RFPL4A: variants seen among roughly 807,000 people sequenced by gnomAD.
The protein encoded by RFPL4A is ret finger protein-like 4A.
A neutral mutation model predicts 8.3 loss-of-function variants in RFPL4A; 4 were observed. The ratio of observed to expected loss-of-function variants is 0.48; its 90% confidence interval spans 0.24 to 1.10. The LOEUF (loss-of-function observed/expected upper bound fraction) is 1.10, where lower values mean the gene tolerates loss of function less well. Ranked by LOEUF, RFPL4A falls within the 50% of genes least tolerant of loss-of-function variation. The probability of loss-of-function intolerance (pLI) is 0.18; values close to 1 mark genes in which losing one functional copy is unlikely to be tolerated. For missense variants in RFPL4A, 111 were observed against 358.7 expected (o/e 0.31, Z 5.58); for synonymous variants, 43 against 136.6 (o/e 0.31, Z 4.78).
At chr19:55,757,617 G>A (rs1302141815), upstream of RFPL4A, among the ~76,000 whole-genome samples, 25 of 152,104 alleles carry the variant, frequency 1.6e-4, no homozygotes, top group African/African-American at 5.8e-4. Flanking sequence ...AGAAGCCAGC[G>A]GAGCTGCTTT....
Position 55,762,642 on chromosome 19 carries a change from A to G in RFPL4A, c.331A>G (p.Ile111Val). The change falls in exon 3 of 3, where the codon ATT becomes GTT. Residue 111 changes from isoleucine (I) to valine (V), a missense_variant. Transcript: ENST00000434937. ...GGACACAGCCAACAACTATCTCATC[A>G]TTTCTGAAGACCTGAGGAGTTTCCG... is the stretch of plus-strand genomic sequence containing the variant. ...DVDTANNYLI[I>V]SEDLRSFRSG... 1 of 1,551,660 alleles carries G rather than the reference A, an allele frequency of 6.4e-7. No homozygotes were observed. The highest frequency in any genetic ancestry group is 1.2e-5 in the South Asian group (1 of 84,042).
chr19:55,763,357 G>C lies in RFPL4A; in HGVS notation c.*182G>C, dbSNP rs1281507082. 6.7e-6 allele frequency among the ~76,000 whole-genome samples: 1 copy of C among 149,752 alleles called. No individual in the cohort carries two copies. Among genetic ancestry groups the C allele is most frequent in the African/African-American group, 2.5e-5 (1 of 39,256 alleles). On this transcript the variant is annotated 3_prime_UTR_variant, in exon 3 of 3. Coordinates refer to ENST00000434937, the MANE Select transcript of RFPL4A (RefSeq NM_001145014.2). ...GAAAATTACATTGTACTTAAAGTTT[G>C]TCATGTTGTTTTCTTTGGGGCTTAT...
chr19:55,762,347 CCACTAA>C (rs1989303114), intron 2 of RFPL4A, among the ~76,000 whole-genome samples: 1 of 150,728 alleles, frequency 6.6e-6, no homozygotes, highest in Non-Finnish European at 1.5e-5. Context: ...ATCAAATTAT[CCACTAA>C]CTTATTTCGA....
upstream of RFPL4A, among the ~76,000 whole-genome samples, chr19:55,758,229 C>G (rs1412026663): frequency 6.6e-6 from 1 of 152,284 alleles, no homozygotes; most frequent in African/African-American, 2.4e-5. Context: ...CTTCATGAGA[C>G]AAAAGGAATT....
chr19:55,760,029 A>G (rs1239197843), intron 1 of RFPL4A, among the ~76,000 whole-genome samples: 4 of 151,664 alleles, frequency 2.6e-5, no homozygotes, highest in African/African-American at 4.9e-5. Flanking sequence ...TCTCTTTGAC[A>G]TGCTGACTTC....
In RFPL4A at chr19:55,762,106, T is replaced by A; in HGVS notation, c.286+20T>A. ...TTCAAGGTAAGGAATCTATAGGACC[T>A]GCCACAACCCATAAAAGGCACTGGG... is the stretch of plus-strand genomic sequence containing the variant. On this transcript the variant is annotated intron_variant, in intron 2 of 2. Coordinates refer to ENST00000434937, the MANE Select transcript of RFPL4A (RefSeq NM_001145014.2). The A allele has an allele frequency of 2.6e-6, 4 of 1,526,546 alleles. No individual in the cohort carries two copies. The highest frequency in any genetic ancestry group is 2.7e-6 in the Non-Finnish European group (3 of 1,127,016). 94.6% of individuals were successfully genotyped at this position (1,526,546 alleles called of 1,614,324 possible). A position where few individuals can be genotyped will look rare whatever the true frequency, so the allele number is the denominator to read the frequency against.
chr19:55,760,235 G>A (rs906334460), intron 1 of RFPL4A, among the ~76,000 whole-genome samples: 9 of 151,560 alleles, frequency 5.9e-5, no homozygotes, highest in Non-Finnish European at 1.0e-4. Flanking sequence ...AGCCATCCTA[G>A]CAGAGAGGGG....
Position 55,761,339 on chromosome 19 carries a change from C to G in RFPL4A, c.-9-453C>G, listed in dbSNP as rs1364006862. 2.9e-5 allele frequency among the ~76,000 whole-genome samples: 4 copies of G among 137,368 alleles called. 1 individual carries two copies. Among genetic ancestry groups the G allele is most frequent in the Non-Finnish European group, 6.5e-5 (4 of 61,090 alleles). The allele number at this position is 137,368 out of a possible 152,430, so 90.1% of individuals were successfully genotyped here. A position where few individuals can be genotyped will look rare whatever the true frequency, so the allele number is the denominator to read the frequency against. ...ACAAAACAAGCCTAATGAATTTTAACTCAAAATATAATATCGTTTAACATG... is the reference window on the plus strand; with the variant it reads ...ACAAAACAAGCCTAATGAATTTTAAGTCAAAATATAATATCGTTTAACATG... On this transcript the variant is annotated intron_variant, in intron 1 of 2. Coordinates refer to ENST00000434937, the MANE Select transcript of RFPL4A (RefSeq NM_001145014.2).
chr19:55,759,375 C>A (rs1989237400), intron 1 of RFPL4A, among the ~76,000 whole-genome samples, 200 bp downstream of exon 1: 1 of 152,008 alleles, frequency 6.6e-6, no homozygotes, highest in Non-Finnish European at 1.5e-5. Flanking sequence ...AGAGACTTGA[C>A]AATCTCCATT....
rs767807828 is a variant in RFPL4A at position 55,761,864 on chromosome 19, G to A, written c.64G>A (p.Val22Met). 2.1e-5 allele frequency: 32 copies of A among 1,495,264 alleles called. No individual in the cohort carries two copies. Among genetic ancestry groups the A allele is most frequent in the African/African-American group, 7.5e-5 (5 of 66,534 alleles). The allele number at this position is 1,495,264 out of a possible 1,614,324, so 92.6% of individuals were successfully genotyped here. A position where few individuals can be genotyped will look rare whatever the true frequency, so the allele number is the denominator to read the frequency against. The change falls in exon 2 of 3, where the codon GTG becomes ATG. Residue 22 changes from valine (V) to methionine (M), a missense_variant. Coordinates refer to ENST00000434937, the MANE Select transcript of RFPL4A (RefSeq NM_001145014.2). ...CTGTCTAAAAGATCTTGAAGAAGCC[G>A]TGCAACTGAAATGTGGATATGCCTG... ...PVCLKDLEEAVQLKCGYACCL... is the reference protein window; with the variant it reads ...PVCLKDLEEAMQLKCGYACCL...
intron 1 of RFPL4A, 75 bp downstream of exon 1, chr19:55,759,250 T>C (rs1440970522): frequency 6.6e-6 from 1 of 152,180 alleles, no homozygotes; most frequent in Admixed American, 6.5e-5. Context: ...ATGTCTTGAT[T>C]CCACAAGTGT....
At chr19:55,758,789 C>T (rs1237070873), upstream of RFPL4A, among the ~76,000 whole-genome samples, 3 of 150,960 alleles carry the variant, frequency 2.0e-5, no homozygotes, top group African/African-American at 7.4e-5. Context: ...AAAGTCGCAC[C>T]GTTCATTTTA....
chr19:55,761,332 A>G (rs1225778063), intron 1 of RFPL4A, among the ~76,000 whole-genome samples: 1 of 137,748 alleles, frequency 7.3e-6, no homozygotes, highest in Non-Finnish European at 1.6e-5. Flanking sequence ...AGCCTAATGA[A>G]TTTTAACTCA....
upstream of RFPL4A, among the ~76,000 whole-genome samples, chr19:55,757,725 C>G (rs1327955690): frequency 2.0e-5 from 3 of 152,132 alleles, no homozygotes; most frequent in African/African-American, 7.2e-5. Context: ...TTCTCTAATT[C>G]TGAACGGAAG....
chr19:55,757,579 G>A (rs1989196348), upstream of RFPL4A, among the ~76,000 whole-genome samples: 1 of 151,832 alleles, frequency 6.6e-6, no homozygotes, highest in African/African-American at 2.4e-5. Flanking sequence ...CATGAGAGTG[G>A]GCAAGGAAAC....
At chr19:55,759,989 A>T (rs1457497588) in intron 1 of RFPL4A, among the ~76,000 whole-genome samples, 3 of 151,714 alleles carry the variant, frequency 2.0e-5, no homozygotes, top group African/African-American at 2.4e-5. Flanking sequence ...TCTTGTGAAT[A>T]ACGCTGCAGA....
rs1989299307 is a variant in RFPL4A, at chr19:55,762,148, A to G, written c.286+62A>G. 2.6e-6 allele frequency: 4 copies of G among 1,524,296 alleles called. No homozygotes were observed. The South Asian group carries it at 3.6e-5, about 14-fold the overall frequency. 94.4% of individuals were successfully genotyped at this position (1,524,296 alleles called of 1,614,324 possible). A position where few individuals can be genotyped will look rare whatever the true frequency, so the allele number is the denominator to read the frequency against. ...GGCACTGGGAAAATGTCTTTCAAAC[A>G]TTTCTTCATTAAACATAGGCATTAG... On this transcript the variant is annotated intron_variant, in intron 2 of 2. Transcript: ENST00000434937.
At chr19:55,761,347 A>G (rs1388499984) in intron 1 of RFPL4A, among the ~76,000 whole-genome samples, 1 of 137,824 alleles carries the variant, frequency 7.3e-6, no homozygotes, top group Non-Finnish European at 1.6e-5. Flanking sequence ...AACTCAAAAT[A>G]TAATATCGTT....
chr19:55,757,969 G>C (rs1315677081), upstream of RFPL4A, among the ~76,000 whole-genome samples: 4 of 152,182 alleles, frequency 2.6e-5, no homozygotes, highest in African/African-American at 9.7e-5. Context: ...ACAAGCTGGA[G>C]AATAACTGCT....
Sources: gnomAD v4.1 joint callset for allele counts (sites outside exome capture counted in the v4.1 genomes callset) on GRCh38, gnomAD v4.1.1 for gene constraint, MANE v1.5 for transcripts, NCBI Gene and HGNC (gene_info 2026-07-23, HGNC 2026-07-21) for gene names.